The following CEMIP2 variants were observed in gnomAD, a reference collection of about 807,000 sequenced individuals.
CEMIP2 encodes cell migration inducing hyaluronidase 2.
In CEMIP2, 79 loss-of-function variants were observed where a neutral mutation model predicts 146.9. That is an observed-to-expected ratio of 0.54 (90% CI 0.45 to 0.65). The LOEUF is 0.65. CEMIP2 is among the 30% of genes least tolerant of loss of function. The probability of loss-of-function intolerance (pLI) is 0.00; values close to 1 mark genes in which losing one functional copy is unlikely to be tolerated. For synonymous variants in CEMIP2, 601 were observed against 606.3 expected, an observed-to-expected ratio of 0.99 and a Z score of 0.13; for missense variants, 1,596 against 1,696.2, an observed-to-expected ratio of 0.94 and a Z score of 1.04.
chr9:71,762,251 G>T (rs1163195985), intron 1 of CEMIP2, among the ~76,000 whole-genome samples: 1 of 152,134 alleles, frequency 6.6e-6, no homozygotes, highest in African/African-American at 2.4e-5. Context: ...AGAGTCAAAA[G>T]GCAGAACTTC....
At position 71,685,161 on chromosome 9, in the gene CEMIP2, T is replaced by C. The variant is rs1822014944; in HGVS notation, c.*36A>G. 6.7e-7 allele frequency: 1 copy of C among 1,493,200 alleles called. No homozygotes were observed. The highest frequency in any genetic ancestry group is 9.0e-7 in the Non-Finnish European group (1 of 1,108,442). 92.5% of individuals were successfully genotyped at this position (1,493,200 alleles called of 1,614,324 possible). On this transcript the variant is annotated 3_prime_UTR_variant, in exon 24 of 24. Transcript: ENST00000377044. ...CATAAATTAAATAAGTTAGTTCACA[T>C]TTTTTTTCCCCCAGCACTTAAGTTA...
chr9:71,695,020 G>A (rs181597634), intron 20 of CEMIP2, among the ~76,000 whole-genome samples: 197 of 152,040 alleles, frequency 1.3e-3, no homozygotes, highest in Middle Eastern at 3.4e-3. Context: ...GTTAAGAAAC[G>A]TTTACTAACT....
In CEMIP2 at chr9:71,735,079, ACAAAT is replaced by A. The variant is rs1823726455; in HGVS notation, c.1205-90_1205-86del. The A allele has an allele frequency of 2.7e-6, 4 of 1,460,342 alleles. No individual in the cohort carries two copies. The East Asian group carries it at 9.3e-5, about 34-fold the overall frequency. 90.5% of individuals were successfully genotyped at this position (1,460,342 alleles called of 1,614,324 possible). Reference sequence around the variant, plus strand: ...CTAAAATGAACCCTCACACTGATTCACAAATCAAAAGTTAAGATAACCACGATTCA... The same window carrying A: ...CTAAAATGAACCCTCACACTGATTCACAAAAGTTAAGATAACCACGATTCA... On this transcript the variant is annotated intron_variant, in intron 5 of 23. Coordinates refer to ENST00000377044, the MANE Select transcript of CEMIP2 (RefSeq NM_013390.3).
chr9:71,762,995 C>T (rs1450987875), intron 1 of CEMIP2, among the ~76,000 whole-genome samples: 1 of 151,190 alleles, frequency 6.6e-6, no homozygotes, highest in East Asian at 1.9e-4. Context: ...TCCTGGGTGA[C>T]AGAGTGAGAC....
In CEMIP2 at chr9:71,740,247, A is replaced by G; in HGVS notation, c.1035-15T>C. ...CCCAAGCTTGCCTAGAAGGAAAAAG[A>G]GCATGTGCATTTGATTACTTGTCAT... On this transcript the variant is annotated splice_polypyrimidine_tract_variant and intron_variant, in intron 4 of 23. Coordinates refer to ENST00000377044, the MANE Select transcript of CEMIP2 (RefSeq NM_013390.3). 6.2e-7 allele frequency: 1 copy of G among 1,610,834 alleles called. No homozygotes were observed. The highest frequency in any genetic ancestry group is 8.5e-7 in the Non-Finnish European group (1 of 1,179,524).
chr9:71,720,516 T>C (rs1294716108), intron 12 of CEMIP2, among the ~76,000 whole-genome samples: 3 of 152,194 alleles, frequency 2.0e-5, no homozygotes, highest in Non-Finnish European at 4.4e-5. Flanking sequence ...GGTCTTGAAC[T>C]CCTGATCTCA....
At chr9:71,742,772 A>G (rs1188146259) in intron 4 of CEMIP2, among the ~76,000 whole-genome samples, 2 of 152,236 alleles carry the variant, frequency 1.3e-5, no homozygotes, top group African/African-American at 4.8e-5. Context: ...CTAGGTTTAT[A>G]TATTATAGAA....
chr9:71,760,282 A>G (rs750660608), intron 1 of CEMIP2, among the ~76,000 whole-genome samples: 1 of 152,220 alleles, frequency 6.6e-6, no homozygotes, highest in South Asian at 2.1e-4. Flanking sequence ...ACTTAGCCAC[A>G]GTTTCACTAA....
intron 11 of CEMIP2, among the ~76,000 whole-genome samples, chr9:71,722,800 A>T (rs903220929): frequency 2.0e-5 from 3 of 152,184 alleles, no homozygotes; most frequent in African/African-American, 7.2e-5. Flanking sequence ...GTTGTTGCTA[A>T]CACAAAAACT....
At chr9:71,752,458 G>GAGGAAGGA (rs1347376187) in intron 1 of CEMIP2, among the ~76,000 whole-genome samples, 1 of 682 alleles carries the variant, frequency 1.5e-3, no homozygotes, top group Non-Finnish European at 2.2e-3. Context: ...AATTTGCCAA[G>GAGGAAGGA]AGGAAGGAAG....
At position 71,763,195 on chromosome 9, in the gene CEMIP2, T is replaced by C. The variant is rs543023415; in HGVS notation, c.-13+5162A>G. ...TAATAATTAACTTTCCAAACTTCAT[T>C]GTATGTGAAAAAATGATTCATTCTT... On this transcript the variant is annotated intron_variant, in intron 1 of 23. Transcript: ENST00000377044. Among the ~76,000 whole-genome samples the C allele has an allele frequency of 3.2e-4, 49 of 152,260 alleles. 2 individuals are homozygous for C. The South Asian group carries it at 9.3e-3, about 29-fold the overall frequency.
In CEMIP2 at chr9:71,718,066, G is replaced by A. The variant is rs1306887679; in HGVS notation, c.2281C>T (p.Gln761Ter). 2.5e-6 allele frequency: 4 copies of A among 1,609,040 alleles called. No individual in the cohort carries two copies. The highest frequency in any genetic ancestry group is 1.7e-6 in the Non-Finnish European group (2 of 1,177,562). Residue 761 changes from glutamine to a stop codon, truncating the protein, a stop_gained, in exon 13 of 24, where the codon CAG (glutamine) becomes TAG (stop). Coordinates refer to ENST00000377044, the MANE Select transcript of CEMIP2 (RefSeq NM_013390.3). LOFTEE classifies it high-confidence loss of function. ...CGTGGTTTTTCGGGGTTTGCATCCT[G>A]ATGAGGTCGAAATCTAGGGGTTAAA... ...LDNSARFRPH[Q>*]DANPEKPRVA...
chr9:71,689,391 A>C (rs1015705881), intron 22 of CEMIP2, among the ~76,000 whole-genome samples: 4 of 152,212 alleles, frequency 2.6e-5, no homozygotes, highest in Admixed American at 2.6e-4. Flanking sequence ...TCTGCGGCAA[A>C]GGCAGAAAAC....
intron 1 of CEMIP2, among the ~76,000 whole-genome samples, chr9:71,755,545 A>G (rs1824410521): frequency 6.6e-6 from 1 of 151,520 alleles, no homozygotes; most frequent in South Asian, 2.1e-4. Flanking sequence ...AAGACTCTCT[A>G]AAAAAATAAA....
intron 2 of CEMIP2, among the ~76,000 whole-genome samples, chr9:71,747,920 A>G (rs1824134361): frequency 6.6e-6 from 1 of 152,196 alleles, no homozygotes; most frequent in Non-Finnish European, 1.5e-5. Context: ...AATGCTTCTG[A>G]TAAGTCAATG....
intron 10 of CEMIP2, among the ~76,000 whole-genome samples, chr9:71,727,788 C>T (rs1013872457): frequency 2.0e-5 from 3 of 152,134 alleles, no homozygotes; most frequent in South Asian, 2.1e-4. Flanking sequence ...TGGATGGGTA[C>T]GGTGGCTCAT....
chr9:71,685,983 A>C (rs945080853), intron 22 of CEMIP2, 137 bp from the exon 23 acceptor site: 6 of 651,446 alleles, frequency 9.2e-6, no homozygotes, highest in Non-Finnish European at 1.6e-5. Flanking sequence ...AAAAGTCTAG[A>C]TGATTTTCCA....
chr9:71,762,105 G>A (rs994539784), intron 1 of CEMIP2, among the ~76,000 whole-genome samples: 1 of 152,052 alleles, frequency 6.6e-6, no homozygotes, highest in Non-Finnish European at 1.5e-5. Context: ...TCACCTGCAG[G>A]TGAGTTCCAG....
intron 19 of CEMIP2, chr9:71,699,548 G>A: frequency 3.1e-6 from 1 of 323,886 alleles, no homozygotes; most frequent in Non-Finnish European, 6.3e-6. Flanking sequence ...AACACTGGCT[G>A]GTGGGGGACT....
Sources: allele counts gnomAD v4.1 joint callset (sites outside exome capture counted in the v4.1 genomes callset), GRCh38; gene constraint gnomAD v4.1.1; transcripts MANE v1.5; gene names NCBI Gene and HGNC (gene_info 2026-07-23, HGNC 2026-07-21).